IRAG2: variants seen among roughly 807,000 people sequenced by gnomAD.
IRAG2 encodes the protein lymphoid restricted membrane protein.
Under a neutral mutation model 69.9 loss-of-function variants are expected in IRAG2, and 45 were observed. The observed-to-expected ratio is 0.64, with a 90% CI of 0.51 to 0.83. The LOEUF is 0.83. Among genes scored for constraint, IRAG2 ranks in the 40% least tolerant of loss-of-function variants. The probability of loss-of-function intolerance (pLI) is 0.00; values close to 1 mark genes in which losing one functional copy is unlikely to be tolerated. For missense variants in IRAG2, 520 were observed against 587.0 expected (o/e 0.89, Z 1.18); for synonymous variants, 193 against 202.4 (o/e 0.95, Z 0.40).
chr12:25,043,548 A>G lies in IRAG2; in HGVS notation c.2144+5411A>G, dbSNP rs557817793. Among the ~76,000 whole-genome samples the G allele has an allele frequency of 1.3e-5, 2 of 152,238 alleles. 1 individual carries two copies. The highest frequency in any genetic ancestry group is 4.8e-5 in the African/African-American group (2 of 41,550). ...GATGAAAGGATGGAAGAGCTGGATTATGTATCCAATGTTTCAATTTTTCTG... is the reference window on the plus strand; with the variant it reads ...GATGAAAGGATGGAAGAGCTGGATTGTGTATCCAATGTTTCAATTTTTCTG... On this transcript the variant is annotated intron_variant, in intron 16 of 38. Transcript: ENST00000636465.
chr12:24,999,922 T>G (rs1195765777), upstream of IRAG2, among the ~76,000 whole-genome samples: 6 of 152,208 alleles, frequency 3.9e-5, no homozygotes, highest in Non-Finnish European at 5.9e-5. Flanking sequence ...GGGGGCATAC[T>G]TACACTAAAA....
At chr12:25,082,941 T>G (rs557226746) in intron 9 of IRAG2, among the ~76,000 whole-genome samples, 1 of 152,322 alleles carries the variant, frequency 6.6e-6, no homozygotes, top group South Asian at 2.1e-4. Flanking sequence ...AAGTTAAAAA[T>G]GCATCTTTTC....
In IRAG2 at chr12:25,108,017, G is replaced by T. The variant is rs116186734; in HGVS notation, c.1457G>T (p.Trp486Leu). 1 of 1,613,980 alleles carries T rather than the reference G, an allele frequency of 6.2e-7. No individual in the cohort carries two copies. The highest frequency in any genetic ancestry group is 2.2e-5 in the East Asian group (1 of 44,878). ...TGGACGTCTCTAGAACATATCTTGT[G>T]GCCATTTACCAGACTCCGACACAAT... ...DSWTSLEHIL[W>L]PFTRLRHNGP... Residue 486 changes from tryptophan to leucine, a missense_variant, in exon 22 of 22, where the codon TGG (tryptophan) becomes TTG (leucine). By Grantham distance (61) the Trp-to-Leu change is moderately conservative. Transcript: ENST00000556887.
chr12:25,100,893 G>C (rs1321032289), intron 15 of IRAG2: 1 of 223,610 alleles, frequency 4.5e-6, no homozygotes, highest in African/African-American at 2.3e-5. Context: ...CAACCTTACT[G>C]AGGTGCAGTG....
At position 25,054,757 on chromosome 12, in the gene IRAG2, A is replaced by T. The variant is rs533071060; in HGVS notation, c.-447+1801A>T. ...GCTGCCCAAAAAACCCATACAAATCAGGATTTTGCTTATATGACCATGTAC... is the reference window on the plus strand; with the variant it reads ...GCTGCCCAAAAAACCCATACAAATCTGGATTTTGCTTATATGACCATGTAC... On this transcript the variant is annotated intron_variant, in intron 1 of 21. Transcript: ENST00000556887. 1.0e-3 allele frequency among the ~76,000 whole-genome samples: 156 copies of T among 152,340 alleles called. 2 individuals carry two copies. Among genetic ancestry groups the T allele is most frequent in the South Asian group, 6.4e-3 (31 of 4,826 alleles).
chr12:25,023,772 A>G (rs1944601485), intron 7 of IRAG2: 4 of 557,774 alleles, frequency 7.2e-6, no homozygotes, highest in Non-Finnish European at 1.1e-5. Flanking sequence ...TGAATGCTAC[A>G]TTCAAAGTTG....
intron 9 of IRAG2, among the ~76,000 whole-genome samples, chr12:25,027,420 A>C (rs1244946198): frequency 6.8e-6 from 1 of 148,096 alleles, no homozygotes; most frequent in African/African-American, 2.5e-5. Context: ...TTTGAGACAG[A>C]ATCTCGCTCT....
At chr12:25,059,374 A>G (rs964410785) in intron 1 of IRAG2, among the ~76,000 whole-genome samples, 1 of 152,124 alleles carries the variant, frequency 6.6e-6, no homozygotes, top group Non-Finnish European at 1.5e-5. Context: ...CCCCTGAGAC[A>G]GAGTCTTGCT....
upstream of IRAG2, among the ~76,000 whole-genome samples, chr12:25,001,115 G>A (rs1193033853): frequency 6.6e-6 from 1 of 152,138 alleles, no homozygotes; most frequent in Non-Finnish European, 1.5e-5. Flanking sequence ...TTAATCTTAT[G>A]CAGCTTTGGT....
intron 15 of IRAG2, among the ~76,000 whole-genome samples, chr12:25,100,000 G>GAACAAAAAAAAAAA (rs1948655845): frequency 3.9e-5 from 1 of 25,680 alleles, no homozygotes; most frequent in Non-Finnish European, 5.7e-5. Context: ...GACTCCATCT[G>GAACAAAAAAAAAAA]AAAAAAAAAA....
At chr12:25,064,038 T>C (rs953753714) in intron 4 of IRAG2, among the ~76,000 whole-genome samples, 1 of 152,162 alleles carries the variant, frequency 6.6e-6, no homozygotes, top group Non-Finnish European at 1.5e-5. Context: ...CGGGGGCTCA[T>C]GCCTATAATC....
At chr12:25,029,008 C>T (rs546751259) in intron 9 of IRAG2, among the ~76,000 whole-genome samples, 1 of 152,204 alleles carries the variant, frequency 6.6e-6, no homozygotes, top group Non-Finnish European at 1.5e-5. Context: ...AGTGATCTTC[C>T]CATCACAAAC....
At chr12:25,107,472 A>T (rs764658315) in intron 21 of IRAG2, among the ~76,000 whole-genome samples, 23 of 152,220 alleles carry the variant, frequency 1.5e-4, no homozygotes, top group Non-Finnish European at 3.1e-4. Context: ...GTACATACAC[A>T]GACATCCACT....
At chr12:25,032,517 G>A (rs1324384308) in intron 12 of IRAG2, 3 of 396,484 alleles carry the variant, frequency 7.6e-6, no homozygotes, top group South Asian at 2.9e-4. Context: ...GAACTTCTTT[G>A]TGAGTTTTCT....
intron 13 of IRAG2, 61 bp downstream of exon 13, chr12:25,089,851 T>A: frequency 6.5e-7 from 1 of 1,538,746 alleles, no homozygotes. Context: ...CCTGCTACAG[T>A]CACTTCATGT....
rs537294358 is a variant in IRAG2, at chr12:25,040,794, C to G, written c.2144+2657C>G. ...AAGTCTTGATTCGTACGACATCCGT[C>G]AGGATGTCCGCTCTTTGCCTGGCTT... On this transcript the variant is annotated intron_variant, in intron 16 of 38. Coordinates refer to the IRAG2 transcript ENST00000636465. Among the ~76,000 whole-genome samples, 27 of 152,284 alleles carry G rather than the reference C, an allele frequency of 1.8e-4. No homozygotes were observed. In the South Asian group the frequency reaches 5.6e-3, roughly 32 times the overall value.
intron 16 of IRAG2, among the ~76,000 whole-genome samples, chr12:25,038,640 CAA>C (rs376380706): frequency 1.3e-4 from 14 of 105,128 alleles, no homozygotes; most frequent in Admixed American, 4.2e-4. Flanking sequence ...GACTCCATTT[CAA>C]AAAAAAAAAA....
intron 14 of IRAG2, among the ~76,000 whole-genome samples, chr12:25,095,329 A>G (rs1449059158): frequency 6.6e-6 from 1 of 152,028 alleles, no homozygotes; most frequent in Non-Finnish European, 1.5e-5. Context: ...TAGTATTCCT[A>G]GTTTTTGTGT....
chr12:25,033,965 G>T lies in IRAG2; in HGVS notation c.1743+18G>T, dbSNP rs1291393398. 6.8e-5 allele frequency: 27 copies of T among 398,842 alleles called. No homozygotes were observed. The Admixed American group carries it at 1.2e-3, about 18-fold the overall frequency. The allele number at this position is 398,842 out of a possible 1,614,324, so 24.7% of individuals were successfully genotyped here. A position where few individuals can be genotyped will look rare whatever the true frequency, so the allele number is the denominator to read the frequency against. On this transcript the variant is annotated intron_variant, in intron 13 of 38. Coordinates refer to the IRAG2 transcript ENST00000636465. ...CTGCAGAGGTAGGTCATTATAAGAAGATGGAAAGCTTTGAAAGATAACTAC... is the reference window on the plus strand; with the variant it reads ...CTGCAGAGGTAGGTCATTATAAGAATATGGAAAGCTTTGAAAGATAACTAC...
Sources: gnomAD v4.1 joint callset for allele counts (sites outside exome capture counted in the v4.1 genomes callset) on GRCh38, gnomAD v4.1.1 for gene constraint, MANE v1.5 for transcripts, NCBI Gene and HGNC (gene_info 2026-07-23, HGNC 2026-07-21) for gene names.